INPP4B: variants seen among roughly 807,000 people sequenced by gnomAD.
The protein encoded by INPP4B is inositol polyphosphate-4-phosphatase type II B.
INPP4B carries 55 observed loss-of-function variants against 122.5 expected under a neutral mutation model. The ratio of observed to expected loss-of-function variants is 0.45; its 90% CI spans 0.36 to 0.56. The LOEUF (loss-of-function observed/expected upper bound fraction) is 0.56. Among genes scored for constraint, INPP4B ranks in the 20% least tolerant of loss-of-function variants. The pLI, the probability that INPP4B is intolerant of heterozygous loss-of-function variation, is 0.00. For synonymous variants in INPP4B, 403 were observed against 388.7 expected, an observed-to-expected ratio of 1.04 and a Z score of -0.43; for missense variants, 1,000 against 1,097.7, an observed-to-expected ratio of 0.91 and a Z score of 1.26.
At chr4:142,126,594 A>C (rs1032422631) in intron 18 of INPP4B, among the ~76,000 whole-genome samples, 9 of 152,144 alleles carry the variant, frequency 5.9e-5, no homozygotes, top group African/African-American at 2.2e-4. Context: ...TGCTATTATG[A>C]GGATAAAAAG....
chr4:142,186,740 A>G (rs929169547), intron 15 of INPP4B, among the ~76,000 whole-genome samples: 5 of 152,298 alleles, frequency 3.3e-5, no homozygotes, highest in Non-Finnish European at 5.9e-5. Context: ...GAAAATAAAA[A>G]AGGAGGAAAA....
chr4:142,587,532 T>C (rs1736488092), intron 2 of INPP4B, among the ~76,000 whole-genome samples: 1 of 152,140 alleles, frequency 6.6e-6, no homozygotes, highest in South Asian at 2.1e-4. Context: ...ATACCAATTC[T>C]TTTTTAAGAA....
intron 20 of INPP4B, among the ~76,000 whole-genome samples, chr4:142,122,671 T>C (rs1177136122): frequency 2.6e-5 from 4 of 152,106 alleles, no homozygotes; most frequent in Non-Finnish European, 5.9e-5. Context: ...ATCATTAAGA[T>C]TCCAGATCAG....
intron 25 of INPP4B, among the ~76,000 whole-genome samples, chr4:142,057,416 A>G (rs1758273498): frequency 1.3e-5 from 2 of 152,102 alleles, no homozygotes; most frequent in South Asian, 4.1e-4. Flanking sequence ...TGCGAGAATA[A>G]AGCTGAATTT....
At chr4:142,659,883 C>T (rs1302117958) in intron 2 of INPP4B, among the ~76,000 whole-genome samples, 2 of 151,070 alleles carry the variant, frequency 1.3e-5, no homozygotes, top group East Asian at 2.0e-4. Flanking sequence ...TGCAACCCCA[C>T]CCCCACCCGT....
chr4:142,750,716 G>A (rs1388145731), intron 1 of INPP4B, among the ~76,000 whole-genome samples: 1 of 152,092 alleles, frequency 6.6e-6, no homozygotes, highest in East Asian at 1.9e-4. Flanking sequence ...AATTACAAGG[G>A]CCCCTTGGCA....
intron 19 of INPP4B, 98 bp from the exon 20 acceptor site, chr4:142,123,513 A>C (rs2645786): frequency 0.99 from 1,172,714 of 1,185,778 alleles, 580,853 homozygotes; most frequent in East Asian, 1. Flanking sequence ...AGATTCGATT[A>C]TCAGGTATGT....
At chr4:142,620,288 T>C (rs1744610207) in intron 2 of INPP4B, among the ~76,000 whole-genome samples, 1 of 151,800 alleles carries the variant, frequency 6.6e-6, no homozygotes, top group African/African-American at 2.4e-5. Flanking sequence ...ATAAAGAAAA[T>C]GTGGTACATA....
At chr4:142,505,529 T>A (rs1286954105) in intron 2 of INPP4B, among the ~76,000 whole-genome samples, 2 of 151,152 alleles carry the variant, frequency 1.3e-5, no homozygotes, top group African/African-American at 2.4e-5. Flanking sequence ...AATGTCCTCA[T>A]CCACGAAGTA....
intron 1 of INPP4B, among the ~76,000 whole-genome samples, chr4:142,835,407 C>T (rs1782656679): frequency 6.6e-6 from 1 of 152,018 alleles, no homozygotes; most frequent in Non-Finnish European, 1.5e-5. Flanking sequence ...ATACCAAGGT[C>T]ACAGAAAGAG....
At position 142,208,881 on chromosome 4, in the gene INPP4B, A is replaced by T. The variant is rs1907123; in HGVS notation, c.967+15T>A. 1,418,382 of 1,512,566 alleles carry T rather than the reference A, an allele frequency of 0.94. 666,018 individuals carry two copies. The highest frequency in any genetic ancestry group is 0.95 in the East Asian group (40,618 of 42,624). The allele number at this position is 1,512,566 out of a possible 1,614,324, so 93.7% of individuals were successfully genotyped here. On this transcript the variant is annotated intron_variant, in intron 13 of 25. Transcript: ENST00000262992. ...TGCAATTCACTTTGAGTAAGTAGAG[A>T]AATTGCTTCCACACCTGTTTCCTTG...
At chr4:142,559,624 A>C (rs1209622109) in intron 2 of INPP4B, among the ~76,000 whole-genome samples, 3 of 152,194 alleles carry the variant, frequency 2.0e-5, no homozygotes, top group Non-Finnish European at 4.4e-5. Context: ...TTGTGATTTA[A>C]TTTTAGAGTG....
chr4:142,571,472 A>G (rs555994707), intron 2 of INPP4B, among the ~76,000 whole-genome samples: 1 of 152,248 alleles, frequency 6.6e-6, no homozygotes, highest in African/African-American at 2.4e-5. Context: ...TTATCCTTAA[A>G]GTAGGCCAGT....
chr4:142,506,097 T>TA (rs142795789), intron 2 of INPP4B, among the ~76,000 whole-genome samples: 1 of 152,298 alleles, frequency 6.6e-6, no homozygotes, highest in African/African-American at 2.4e-5. Flanking sequence ...TAGGTATGGC[T>TA]AGTTCCAAAC....
intron 7 of INPP4B, among the ~76,000 whole-genome samples, chr4:142,347,868 C>T (rs2151770874): frequency 6.6e-6 from 1 of 152,040 alleles, no homozygotes; most frequent in Non-Finnish European, 1.5e-5. Flanking sequence ...ACTGCTCCCA[C>T]CTCAAAGCTA....
At chr4:142,549,084 A>G (rs927376197) in intron 2 of INPP4B, among the ~76,000 whole-genome samples, 5 of 152,118 alleles carry the variant, frequency 3.3e-5, no homozygotes, top group African/African-American at 1.2e-4. Context: ...GATGTGATTT[A>G]ATTAAGCGGA....
intron 9 of INPP4B, among the ~76,000 whole-genome samples, chr4:142,283,097 A>AG (rs1751936754): frequency 6.6e-6 from 1 of 152,090 alleles, no homozygotes; most frequent in African/African-American, 2.4e-5. Context: ...ATTAGGAGGA[A>AG]GAGGAGATGT....
intron 2 of INPP4B, among the ~76,000 whole-genome samples, chr4:142,553,226 C>A (rs1302456756): frequency 6.6e-6 from 1 of 152,098 alleles, no homozygotes; most frequent in African/African-American, 2.4e-5. Flanking sequence ...TAGTTTCTTC[C>A]AATAAACAAT....
chr4:142,175,952 T>G (rs3104276), intron 15 of INPP4B, among the ~76,000 whole-genome samples: 151,010 of 152,004 alleles, frequency 0.99, 75,017 homozygotes, highest in Middle Eastern at 1. Context: ...TGTGGTCACT[T>G]CTATGTGATC....
Sources: gnomAD v4.1 joint callset for allele counts (sites outside exome capture counted in the v4.1 genomes callset) on GRCh38, gnomAD v4.1.1 for gene constraint, MANE v1.5 for transcripts, NCBI Gene and HGNC (gene_info 2026-07-23, HGNC 2026-07-21) for gene names.